The following NAALADL2 variants were observed in gnomAD, a reference collection of about 807,000 sequenced individuals.
NAALADL2 encodes inactive N-acetylated-alpha-linked acidic dipeptidase-like protein 2.
NAALADL2 carries 76 observed loss-of-function variants against 87.2 expected under a neutral mutation model. The ratio of observed to expected loss-of-function variants is 0.87; its 90% CI spans 0.72 to 1.05. The LOEUF (loss-of-function observed/expected upper bound fraction) is 1.05, where lower values mean the gene tolerates loss of function less well. NAALADL2 is among the 50% of genes least tolerant of loss of function. The pLI, the probability that NAALADL2 is intolerant of heterozygous loss-of-function variation, is 0.00. For synonymous variants in NAALADL2, 354 were observed against 331.0 expected, an observed-to-expected ratio of 1.07 and a Z score of -0.75; for missense variants, 1,089 against 945.8, an observed-to-expected ratio of 1.15 and a Z score of -1.99.
intron 11 of NAALADL2, among the ~76,000 whole-genome samples, chr3:175,727,456 C>T (rs1002543085): frequency 2.0e-5 from 3 of 152,132 alleles, no homozygotes; most frequent in Non-Finnish European, 4.4e-5. Flanking sequence ...AAAAAATGGC[C>T]ATGTGTTTGG....
At chr3:175,472,738 A>G (rs927840523) in intron 9 of NAALADL2, among the ~76,000 whole-genome samples, 18 of 152,114 alleles carry the variant, frequency 1.2e-4, no homozygotes, top group Non-Finnish European at 2.2e-4. Flanking sequence ...TAAAGAAGAC[A>G]TTATGAAACA....
chr3:175,763,083 CAAATAAATAAAT>C (rs34773320), intron 13 of NAALADL2, among the ~76,000 whole-genome samples: 9 of 148,816 alleles, frequency 6.0e-5, no homozygotes, highest in East Asian at 3.9e-4. Flanking sequence ...GACTCTGACT[CAAATAAATAAAT>C]AAATAAATAA....
At chr3:174,900,896 C>T (rs73047012) in intron 1 of NAALADL2, among the ~76,000 whole-genome samples, 1 of 151,818 alleles carries the variant, frequency 6.6e-6, no homozygotes, top group Non-Finnish European at 1.5e-5. Context: ...TTCCCCTATA[C>T]TTTGTCATGA....
At chr3:174,793,962 C>G (rs935413898) in intron 3 of NAALADL2, among the ~76,000 whole-genome samples, 18 of 151,968 alleles carry the variant, frequency 1.2e-4, no homozygotes, top group Non-Finnish European at 2.4e-4. Flanking sequence ...TTAACAATAG[C>G]TTTCCTTTTA....
At chr3:175,271,433 T>G (rs548087341) in intron 4 of NAALADL2, among the ~76,000 whole-genome samples, 1 of 152,308 alleles carries the variant, frequency 6.6e-6, no homozygotes, top group African/African-American at 2.4e-5. Flanking sequence ...TTCATGCACA[T>G]GAAAGAGTAT....
At chr3:175,203,992 T>G (rs1490955079) in intron 2 of NAALADL2, among the ~76,000 whole-genome samples, 2 of 152,146 alleles carry the variant, frequency 1.3e-5, no homozygotes, top group Non-Finnish European at 1.5e-5. Context: ...CCAGACAAAT[T>G]GACAGCAAAA....
At position 175,808,111 on chromosome 3, in the gene NAALADL2, C is replaced by T. The variant is rs1283439428; in HGVS notation, c.*4908C>T. The stretch of plus-strand genomic sequence containing the variant: ...AGCCAGAGTTTTAGTTTCATAATAT[C>T]GTTCCATTGCCTGACAAAGATATAC... On this transcript the variant is annotated 3_prime_UTR_variant, in exon 14 of 14. Transcript: ENST00000454872. 1.3e-5 allele frequency: 2 copies of T among 151,840 alleles called. No homozygotes were observed. Among genetic ancestry groups the T allele is most frequent in the Non-Finnish European group, 2.9e-5 (2 of 67,890 alleles). The allele number at this position is 151,840 out of a possible 1,614,324, so 9.4% of individuals were successfully genotyped here.
intron 5 of NAALADL2, among the ~76,000 whole-genome samples, chr3:175,367,874 C>T (rs1765856801): frequency 6.6e-6 from 1 of 152,092 alleles, no homozygotes; most frequent in Admixed American, 6.6e-5. Context: ...TTGCCCTGGC[C>T]AGAACTTCCA....
At chr3:175,607,748 T>C (rs1228869070) in intron 10 of NAALADL2, among the ~76,000 whole-genome samples, 1 of 152,164 alleles carries the variant, frequency 6.6e-6, no homozygotes, top group Admixed American at 6.5e-5. Context: ...AAGGATTTTG[T>C]GAAAATGTAT....
chr3:174,670,729 T>G (rs1322387962), intron 2 of NAALADL2, among the ~76,000 whole-genome samples: 1 of 152,108 alleles, frequency 6.6e-6, no homozygotes, highest in Non-Finnish European at 1.5e-5. Context: ...CATAATATAT[T>G]CTGCTTACCT....
chr3:175,688,929 CTCTG>C (rs1486829927), intron 11 of NAALADL2, among the ~76,000 whole-genome samples: 8 of 152,130 alleles, frequency 5.3e-5, no homozygotes, highest in Non-Finnish European at 7.3e-5. Context: ...ATCTGCAATG[CTCTG>C]TCTGTGCACC....
intron 3 of NAALADL2, among the ~76,000 whole-genome samples, chr3:174,777,579 A>C (rs1327290577): frequency 6.6e-6 from 1 of 152,098 alleles, no homozygotes; most frequent in African/African-American, 2.4e-5. Context: ...AGATGATGAA[A>C]GTCACTTTCT....
intron 1 of NAALADL2, among the ~76,000 whole-genome samples, chr3:174,936,658 T>C (rs1737733516): frequency 6.6e-6 from 1 of 152,106 alleles, no homozygotes; most frequent in South Asian, 2.1e-4. Flanking sequence ...AATCTAGTAG[T>C]TTTTGCTTCT....
intron 5 of NAALADL2, among the ~76,000 whole-genome samples, chr3:175,333,190 C>T (rs998110662): frequency 2.3e-4 from 35 of 152,056 alleles, no homozygotes; most frequent in Non-Finnish European, 2.2e-4. Flanking sequence ...CTCTGGCCTG[C>T]AGATGTTGTG....
At chr3:174,855,126 A>G (rs545951317), upstream of NAALADL2, among the ~76,000 whole-genome samples, 13 of 152,252 alleles carry the variant, frequency 8.5e-5, no homozygotes, top group East Asian at 1.2e-3. Context: ...GGCGTGAGTC[A>G]CTGTGCCCGG....
intron 2 of NAALADL2, among the ~76,000 whole-genome samples, chr3:175,173,965 A>AT (rs1173223223): frequency 2.2e-4 from 10 of 45,062 alleles, no homozygotes; most frequent in African/African-American, 5.5e-4. Flanking sequence ...CTTCAGTTTG[A>AT]ATTTTTTTTT....
At chr3:174,624,596 C>G (rs1231293352) in intron 2 of NAALADL2, among the ~76,000 whole-genome samples, 1 of 148,874 alleles carries the variant, frequency 6.7e-6, no homozygotes, top group Middle Eastern at 3.2e-3. Flanking sequence ...TGCACTCCAG[C>G]CTGGGCGACA....
chr3:174,717,871 A>G (rs1185311290), intron 2 of NAALADL2, among the ~76,000 whole-genome samples: 1 of 152,114 alleles, frequency 6.6e-6, no homozygotes, highest in Non-Finnish European at 1.5e-5. Flanking sequence ...CATGCCTGTA[A>G]TCCCAGTGCT....
intron 2 of NAALADL2, among the ~76,000 whole-genome samples, chr3:174,587,059 C>T (rs1198294739): frequency 6.6e-6 from 1 of 151,332 alleles, no homozygotes; most frequent in Non-Finnish European, 1.5e-5. Context: ...GTTCACTTCT[C>T]ACCTATGAGT....
Sources: allele counts gnomAD v4.1 joint callset (sites outside exome capture counted in the v4.1 genomes callset), GRCh38; gene constraint gnomAD v4.1.1; transcripts MANE v1.5; gene names NCBI Gene and HGNC (gene_info 2026-07-23, HGNC 2026-07-21).